Variants in SFXN5 observed in about 807,000 individuals in gnomAD.
SFXN5 encodes sideroflexin-5.
Under a neutral mutation model 50.2 loss-of-function variants are expected in SFXN5, and 43 were observed. The ratio of observed to expected loss-of-function variants is 0.86; its 90% CI spans 0.67 to 1.11. The LOEUF is 1.11. Among genes scored for constraint, SFXN5 ranks in the 50% least tolerant of loss-of-function variants. SFXN5 has a pLI of 0.00. For synonymous variants in SFXN5, 203 were observed against 185.8 expected (o/e 1.09, Z -0.75); for missense variants, 463 against 454.1 (o/e 1.02, Z -0.18).
chr2:72,990,837 A>G (rs1389135121), intron 9 of SFXN5, among the ~76,000 whole-genome samples: 1 of 152,202 alleles, frequency 6.6e-6, no homozygotes, highest in Non-Finnish European at 1.5e-5. Flanking sequence ...TTTGAACGGC[A>G]CATCTGCATA....
At chr2:73,013,406 C>CGTGTGTGTGT (rs61590375) in intron 6 of SFXN5, among the ~76,000 whole-genome samples, 2,284 of 139,718 alleles carry the variant, frequency 0.016, 21 homozygotes, top group African/African-American at 0.025. Context: ...AGGGATATTT[C>CGTGTGTGTGT]GTGTGTGTGT....
chr2:72,968,163 ACACAC>A (rs1402334989), intron 12 of SFXN5, among the ~76,000 whole-genome samples: 15 of 150,064 alleles, frequency 1.0e-4, no homozygotes, highest in Middle Eastern at 3.2e-3. Context: ...ACACACACAC[ACACAC>A]AACTGCCAGC....
chr2:73,026,273 G>A (rs1224478018), intron 3 of SFXN5, among the ~76,000 whole-genome samples: 1 of 151,388 alleles, frequency 6.6e-6, no homozygotes, highest in African/African-American at 2.4e-5. Flanking sequence ...GATTACAGGC[G>A]TGCGCCACCA....
At chr2:72,963,819 C>T (rs934883024) in intron 12 of SFXN5, among the ~76,000 whole-genome samples, 1 of 152,156 alleles carries the variant, frequency 6.6e-6, no homozygotes, top group Non-Finnish European at 1.5e-5. Context: ...TGTGATCCCA[C>T]CCCTGGGCCT....
intron 2 of SFXN5, among the ~76,000 whole-genome samples, chr2:73,047,041 A>T (rs1680428035): frequency 6.7e-6 from 1 of 150,098 alleles, no homozygotes. Flanking sequence ...CCTGGACAAC[A>T]TGGTGAAACT....
rs1024589515 is a variant in SFXN5 at position 72,953,083 on chromosome 2, G to A, written c.946-7984C>T. ...CCCGGGCATGTGTACATGTTCTTGCGTGCACGTGTATGTGTGCGAGCCTGT... is the reference window on the plus strand; with the variant it reads ...CCCGGGCATGTGTACATGTTCTTGCATGCACGTGTATGTGTGCGAGCCTGT... On this transcript the variant is annotated intron_variant, in intron 13 of 13. Transcript: ENST00000272433. The surrounding 1 kb of genome is among the most constrained non-coding windows in gnomAD (Gnocchi z 4.1). Among the ~76,000 whole-genome samples the A allele has an allele frequency of 2.6e-5, 4 of 152,310 alleles. No individual in the cohort carries two copies. The highest frequency in any genetic ancestry group is 6.5e-5 in the Admixed American group (1 of 15,306).
At chr2:73,014,043 TG>T (rs1166822873) in intron 6 of SFXN5, among the ~76,000 whole-genome samples, 1 of 152,182 alleles carries the variant, frequency 6.6e-6, no homozygotes, top group Non-Finnish European at 1.5e-5. Flanking sequence ...CATTCAACAT[TG>T]TTTTTGAGAT....
At chr2:72,983,277 C>T (rs760305494) in intron 10 of SFXN5, among the ~76,000 whole-genome samples, 1 of 152,130 alleles carries the variant, frequency 6.6e-6, no homozygotes, top group Non-Finnish European at 1.5e-5. Flanking sequence ...AGACCTTCTC[C>T]CAAATAGTGC....
intron 2 of SFXN5, among the ~76,000 whole-genome samples, chr2:73,047,219 T>TAAA (rs748772614): frequency 1.8e-4 from 5 of 27,520 alleles, no homozygotes; most frequent in Non-Finnish European, 2.9e-4. Context: ...CTCCATCTCG[T>TAAA]AAAAAAAAAA....
chr2:72,994,759 T>C (rs1025178297), intron 9 of SFXN5: 1 of 152,576 alleles, frequency 6.6e-6, no homozygotes, highest in African/African-American at 2.4e-5. Flanking sequence ...GCTCCAGGCA[T>C]GGCCTCCTTC....
At chr2:73,062,745 A>C (rs1443393735) in intron 1 of SFXN5, among the ~76,000 whole-genome samples, 1 of 152,220 alleles carries the variant, frequency 6.6e-6, no homozygotes, top group Non-Finnish European at 1.5e-5. Context: ...TCAGAGTTTA[A>C]ATGAAGCATC....
chr2:72,968,323 C>T lies in SFXN5; in HGVS notation c.827+125G>A, dbSNP rs940505292. 5 of 780,636 alleles carry T rather than the reference C, an allele frequency of 6.4e-6. No individual in the cohort carries two copies. In the Admixed American group the frequency reaches 1.1e-4, roughly 18 times the overall value. The allele number at this position is 780,636 out of a possible 1,614,324, so 48.4% of individuals were successfully genotyped here. A position where few individuals can be genotyped will look rare whatever the true frequency, so the allele number is the denominator to read the frequency against. On this transcript the variant is annotated intron_variant, in intron 12 of 13. Coordinates refer to ENST00000272433, the MANE Select transcript of SFXN5 (RefSeq NM_144579.3). Reference sequence around the variant, plus strand: ...CCAAGATGGAGCAAGACACCTTCCACCCTCTACACAAACTGGGGTGGGCTT... The same window carrying T: ...CCAAGATGGAGCAAGACACCTTCCATCCTCTACACAAACTGGGGTGGGCTT...
At chr2:72,965,678 A>G (rs1233672489) in intron 12 of SFXN5, among the ~76,000 whole-genome samples, 1 of 151,706 alleles carries the variant, frequency 6.6e-6, no homozygotes, top group East Asian at 1.9e-4. Context: ...TCCCCATCGC[A>G]CTCCCTTTGA....
rs1352942073 is a variant in SFXN5, at chr2:72,973,950, C to T, written c.626-2265G>A. On this transcript the variant is annotated intron_variant, in intron 10 of 13. Transcript: ENST00000272433. This position sits in a 1 kb window ranked among gnomAD's most constrained non-coding sequence, Gnocchi z 5.5. Reference sequence around the variant, plus strand: ...ATGACGCTGTCCACCATACCACCACCACCGCCACTCCCAGAAAGGCAAAGT... The same window carrying T: ...ATGACGCTGTCCACCATACCACCACTACCGCCACTCCCAGAAAGGCAAAGT... Among the ~76,000 whole-genome samples, 9 of 152,328 alleles carry T rather than the reference C, an allele frequency of 5.9e-5. No individual in the cohort carries two copies. The highest frequency in any genetic ancestry group is 1.0e-4 in the Non-Finnish European group (7 of 68,026).
At chr2:73,012,880 A>G (rs1559155083) in intron 6 of SFXN5, among the ~76,000 whole-genome samples, 1 of 152,126 alleles carries the variant, frequency 6.6e-6, no homozygotes, top group Non-Finnish European at 1.5e-5. Flanking sequence ...GCGTTAGGTA[A>G]GTCATATTTA....
At position 72,988,287 on chromosome 2, in the gene SFXN5, A is replaced by C; in HGVS notation, c.596T>G (p.Ile199Ser). The change falls in exon 10 of 14, where the codon ATC (isoleucine) becomes AGC (serine). Residue 199 changes from isoleucine (I) to serine (S), a missense_variant. Coordinates refer to ENST00000272433, the MANE Select transcript of SFXN5 (RefSeq NM_144579.3). ...NKFTPATRLLIQRFVPFPAVA... is the reference protein window; with the variant it reads ...NKFTPATRLLSQRFVPFPAVA... Reference sequence around the variant, plus strand: ...AGCAGGGAACGGCACAAACCTCTGGATGAGAAGGCGGGTGGCTGGGGTGAA... The same window carrying C: ...AGCAGGGAACGGCACAAACCTCTGGCTGAGAAGGCGGGTGGCTGGGGTGAA... 1 of 1,613,922 alleles carries C rather than the reference A, an allele frequency of 6.2e-7. No homozygotes were observed. The highest frequency in any genetic ancestry group is 8.5e-7 in the Non-Finnish European group (1 of 1,179,856).
At chr2:72,969,818 G>A (rs1291296898) in intron 11 of SFXN5, among the ~76,000 whole-genome samples, 1 of 152,040 alleles carries the variant, frequency 6.6e-6, no homozygotes, top group Admixed American at 6.6e-5. Flanking sequence ...GCATGCTTCA[G>A]CTGGGTGTCT....
At chr2:73,013,728 GAA>G (rs1207446517) in intron 6 of SFXN5, among the ~76,000 whole-genome samples, 1 of 152,016 alleles carries the variant, frequency 6.6e-6, no homozygotes, top group Non-Finnish European at 1.5e-5. Context: ...CAAGGATACA[GAA>G]AAGTCTAGAG....
intron 3 of SFXN5, among the ~76,000 whole-genome samples, chr2:73,023,856 C>T (rs942181411): frequency 2.6e-5 from 4 of 152,172 alleles, no homozygotes; most frequent in African/African-American, 9.7e-5. Context: ...AAGTTCCTTT[C>T]AAATGCTGAT....
Sources: gnomAD v4.1 joint callset for allele counts (sites outside exome capture counted in the v4.1 genomes callset) on GRCh38, gnomAD v4.1.1 for gene constraint, Gnocchi (gnomAD v3.1) non-coding constraint, MANE v1.5 for transcripts, NCBI Gene and HGNC (gene_info 2026-07-23, HGNC 2026-07-21) for gene names.